The following KCNAB1 variants were observed in gnomAD, a reference collection of about 807,000 sequenced individuals.
The protein encoded by KCNAB1 is potassium voltage-gated channel subfamily A regulatory beta subunit 1.
A neutral mutation model predicts 64.6 loss-of-function variants in KCNAB1; 35 were observed. The ratio of observed to expected loss-of-function variants is 0.54; its 90% CI spans 0.41 to 0.72. KCNAB1 has a LOEUF of 0.72. Among genes scored for constraint, KCNAB1 ranks in the 30% least tolerant of loss-of-function variants. The pLI is 0.00. For synonymous variants in KCNAB1, 177 were observed against 183.8 expected (o/e 0.96, Z 0.30); for missense variants, 401 against 512.9 (o/e 0.78, Z 2.11).
Position 156,177,669 on chromosome 3 carries a change from G to A in KCNAB1, c.275+56783G>A, listed in dbSNP as rs548092577. ...TGGGATTACATGCGTGAGCCACTGC[G>A]CCCGGCCGTTTTTAATTTTTTTGAG... On this transcript the variant is annotated intron_variant, in intron 1 of 13. Transcript: ENST00000490337. Among the ~76,000 whole-genome samples the A allele has an allele frequency of 8.7e-5, 13 of 149,244 alleles. No homozygotes were observed. The South Asian group carries it at 2.2e-3, about 25-fold the overall frequency.
chr3:156,249,375 C>T (rs1717672797), intron 1 of KCNAB1, among the ~76,000 whole-genome samples: 1 of 151,920 alleles, frequency 6.6e-6, no homozygotes, highest in Non-Finnish European at 1.5e-5. Context: ...TCAGCCTGGC[C>T]AGCCTGGCCA....
At chr3:156,371,413 C>G (rs1726300986) in intron 1 of KCNAB1, among the ~76,000 whole-genome samples, 1 of 152,186 alleles carries the variant, frequency 6.6e-6, no homozygotes, top group Non-Finnish European at 1.5e-5. Flanking sequence ...TCTAACATCC[C>G]CAGCCTTCCC....
At chr3:156,137,852 G>A (rs1328638603) in intron 1 of KCNAB1, among the ~76,000 whole-genome samples, 2 of 151,758 alleles carry the variant, frequency 1.3e-5, no homozygotes, top group African/African-American at 2.4e-5. Context: ...CACTGTGCCC[G>A]GCCTGGATTG....
At chr3:156,438,967 T>C (rs1167165688) in intron 2 of KCNAB1, among the ~76,000 whole-genome samples, 1 of 151,920 alleles carries the variant, frequency 6.6e-6, no homozygotes, top group Non-Finnish European at 1.5e-5. Context: ...TGAGCCGAGG[T>C]TGTGCCATTG....
intron 8 of KCNAB1, among the ~76,000 whole-genome samples, chr3:156,491,036 C>G (rs1457650041): frequency 6.6e-6 from 1 of 152,052 alleles, no homozygotes; most frequent in Non-Finnish European, 1.5e-5. Context: ...ATGAAGCAGG[C>G]CTTCAAAATT....
At chr3:156,488,306 A>G (rs1401678725) in intron 8 of KCNAB1, among the ~76,000 whole-genome samples, 2 of 151,892 alleles carry the variant, frequency 1.3e-5, no homozygotes, top group South Asian at 2.1e-4. Context: ...AAAAAAAAAA[A>G]AAAGAAAAAC....
intron 1 of KCNAB1, among the ~76,000 whole-genome samples, chr3:156,415,960 A>G (rs1366900891): frequency 6.6e-6 from 1 of 152,010 alleles, no homozygotes; most frequent in Admixed American, 6.6e-5. Context: ...CCCAATGAAC[A>G]CTCTACTTCG....
intron 1 of KCNAB1, among the ~76,000 whole-genome samples, chr3:156,418,048 T>G (rs955447436): frequency 1.3e-5 from 2 of 152,220 alleles, no homozygotes; most frequent in African/African-American, 4.8e-5. Flanking sequence ...GAGCTTTTAT[T>G]TTGAGTTGAA....
intron 2 of KCNAB1, among the ~76,000 whole-genome samples, chr3:156,439,038 A>C (rs1576866809): frequency 1.3e-5 from 2 of 152,132 alleles, no homozygotes; most frequent in Admixed American, 6.5e-5. Flanking sequence ...ACAAAAAAAA[A>C]AAACCAGGAT....
chr3:156,347,213 G>A (rs1388842533), intron 1 of KCNAB1, among the ~76,000 whole-genome samples: 2 of 152,206 alleles, frequency 1.3e-5, no homozygotes, highest in Non-Finnish European at 2.9e-5. Flanking sequence ...TCCAGTATTT[G>A]TGTTGAGACA....
chr3:156,143,573 T>TTTGGTTTTTTTTTTTTTG (rs1358600286), intron 1 of KCNAB1, among the ~76,000 whole-genome samples: 2 of 25,748 alleles, frequency 7.8e-5, no homozygotes, highest in African/African-American at 2.4e-4. Flanking sequence ...ATTCTTGTTT[T>TTTGGTTTTTTTTTTTTTG]TTTTTTTTTT....
chr3:156,465,670 A>G lies in KCNAB1; in HGVS notation c.555A>G (p.Arg185=). The G allele has an allele frequency of 6.2e-7, 1 of 1,613,534 alleles. No homozygotes were observed. The highest frequency in any genetic ancestry group is 2.2e-5 in the East Asian group (1 of 44,848). Residue 185 remains arginine, a synonymous_variant, in exon 7 of 14, where the codon AGA becomes AGG. Coordinates refer to ENST00000490337, the MANE Select transcript of KCNAB1 (RefSeq NM_172160.3). ...GKAETERGLS[R]KHIIEGLKGS... is the part of the protein sequence containing the mutation. ...CTGAAACAGAAAGAGGGCTGTCAAG[A>G]AAGCATATTATTGAAGGTGGGTACT...
At chr3:156,314,301 T>C (rs781191128) in intron 1 of KCNAB1, among the ~76,000 whole-genome samples, 7 of 152,246 alleles carry the variant, frequency 4.6e-5, no homozygotes, top group Non-Finnish European at 7.3e-5. Flanking sequence ...TGGGGTCCAG[T>C]GTTAACATGC....
intron 1 of KCNAB1, among the ~76,000 whole-genome samples, chr3:156,304,049 A>T (rs946426248): frequency 6.6e-6 from 1 of 152,226 alleles, no homozygotes; most frequent in African/African-American, 2.4e-5. Flanking sequence ...ATCACACGAC[A>T]ATATCACTGA....
intron 1 of KCNAB1, among the ~76,000 whole-genome samples, chr3:156,269,118 C>T (rs996087609): frequency 6.6e-6 from 1 of 152,150 alleles, no homozygotes; most frequent in Non-Finnish European, 1.5e-5. Flanking sequence ...AAAAGACTGT[C>T]CTTTTCCCCA....
chr3:156,260,522 A>T (rs926032763), intron 1 of KCNAB1, among the ~76,000 whole-genome samples: 7 of 152,186 alleles, frequency 4.6e-5, no homozygotes, highest in African/African-American at 7.2e-5. Context: ...ATTATAAAAT[A>T]TATAGTCTTT....
Position 156,327,752 on chromosome 3 carries a change from A to G in KCNAB1, c.276-93864A>G, listed in dbSNP as rs117429677. ...GTCAGCTGTATCTTGGAGTCAGGGG[A>G]AATGGAGAAGACAAAGATTAAAAAC... On this transcript the variant is annotated intron_variant, in intron 1 of 13. Coordinates refer to ENST00000490337, the MANE Select transcript of KCNAB1 (RefSeq NM_172160.3). Among the ~76,000 whole-genome samples, 58 of 152,218 alleles carry G rather than the reference A, an allele frequency of 3.8e-4. No homozygotes were observed. In the East Asian group the frequency reaches 0.011, roughly 28 times the overall value.
chr3:156,449,571 A>G (rs969339958), intron 2 of KCNAB1, among the ~76,000 whole-genome samples: 1 of 152,264 alleles, frequency 6.6e-6, no homozygotes, highest in Admixed American at 6.5e-5. Flanking sequence ...ATGTCTAATC[A>G]TAGCCCAACA....
At chr3:156,349,174 A>C (rs1724694711) in intron 1 of KCNAB1, among the ~76,000 whole-genome samples, 2 of 152,212 alleles carry the variant, frequency 1.3e-5, no homozygotes, top group African/African-American at 2.4e-5. Context: ...AATGATAATC[A>C]GTCTAGAGGA....
Sources: allele counts gnomAD v4.1 joint callset (sites outside exome capture counted in the v4.1 genomes callset), GRCh38; gene constraint gnomAD v4.1.1; transcripts MANE v1.5; gene names NCBI Gene and HGNC (gene_info 2026-07-23, HGNC 2026-07-21).